Variants in PPP2R2C observed in about 807,000 individuals in gnomAD.
PPP2R2C encodes protein phosphatase 2, regulatory subunit B, gamma.
A neutral mutation model predicts 45.3 loss-of-function variants in PPP2R2C; 10 were observed. The ratio of observed to expected loss-of-function variants is 0.22; its 90% CI spans 0.14 to 0.37. The LOEUF (loss-of-function observed/expected upper bound fraction) is 0.37, where lower values mean the gene tolerates loss of function less well. Among genes scored for constraint, PPP2R2C ranks in the 10% least tolerant of loss-of-function variants. The probability of loss-of-function intolerance (pLI) is 1.00; values close to 1 mark genes in which losing one functional copy is unlikely to be tolerated. For synonymous variants in PPP2R2C, 257 were observed against 245.4 expected (o/e 1.05, Z -0.44); for missense variants, 308 against 619.7 (o/e 0.50, Z 5.34).
chr4:6,445,081 C>T lies in PPP2R2C; in HGVS notation c.70+27079G>A, dbSNP rs543256802. Among the ~76,000 whole-genome samples, 850 of 152,054 alleles carry T rather than the reference C, an allele frequency of 5.6e-3. 3 individuals are homozygous for T. The highest frequency in any genetic ancestry group is 0.019 in the African/African-American group (802 of 41,470). ...GTGCCTGCCTGTAGTCCCAGCTACT[C>T]GGGAGGCTGAGGCAGGAGGACCGCT... On this transcript the variant is annotated intron_variant, in intron 1 of 8. Transcript: ENST00000382599.
intron 1 of PPP2R2C, chr4:6,384,782 C>T: frequency 1.0e-6 from 1 of 985,488 alleles, no homozygotes; most frequent in South Asian, 4.7e-5. Context: ...GCGGGAGACA[C>T]TACTGTGATT....
chr4:6,362,432 C>T (rs930617608), intron 5 of PPP2R2C, among the ~76,000 whole-genome samples: 1 of 152,194 alleles, frequency 6.6e-6, no homozygotes, highest in Non-Finnish European at 1.5e-5. Flanking sequence ...ACACCTCTAC[C>T]ATGCCACCTG....
chr4:6,544,957 T>C (rs1463704975), intron 1 of PPP2R2C, among the ~76,000 whole-genome samples: 1 of 151,448 alleles, frequency 6.6e-6, no homozygotes, highest in East Asian at 1.9e-4. Context: ...TTTCTTAAAT[T>C]TTTTTTTATA....
At chr4:6,444,515 G>T (rs1214090004) in intron 1 of PPP2R2C, among the ~76,000 whole-genome samples, 2 of 152,176 alleles carry the variant, frequency 1.3e-5, no homozygotes, top group Non-Finnish European at 2.9e-5. Flanking sequence ...ACTCTCCGGG[G>T]TCCTCGCACA....
intron 4 of PPP2R2C, among the ~76,000 whole-genome samples, chr4:6,374,780 G>A (rs1353290854): frequency 1.3e-5 from 2 of 152,186 alleles, no homozygotes; most frequent in African/African-American, 4.8e-5. Flanking sequence ...GGCCCCAAGG[G>A]CTAGCCCGGG....
intron 6 of PPP2R2C, among the ~76,000 whole-genome samples, chr4:6,340,767 C>A (rs1469604021): frequency 6.6e-6 from 1 of 152,270 alleles, no homozygotes; most frequent in Non-Finnish European, 1.5e-5. Flanking sequence ...CCACTCCCTA[C>A]TCAGACGGCC....
chr4:6,505,162 G>GA (rs57523456), intron 2 of PPP2R2C, among the ~76,000 whole-genome samples: 38,968 of 147,350 alleles, frequency 0.26, 6,282 homozygotes, highest in East Asian at 0.59. Flanking sequence ...AAAGTGCTTG[G>GA]AAAAAAAAAA....
chr4:6,362,179 A>T (rs1713817032), intron 5 of PPP2R2C, among the ~76,000 whole-genome samples: 1 of 152,124 alleles, frequency 6.6e-6, no homozygotes, highest in Admixed American at 6.5e-5. Context: ...GAGGGAGCAT[A>T]GGCTCTGTCC....
chr4:6,515,117 G>A (rs2108808853), intron 2 of PPP2R2C, among the ~76,000 whole-genome samples: 1 of 152,280 alleles, frequency 6.6e-6, no homozygotes, highest in Middle Eastern at 3.4e-3. Context: ...CATATCTTTT[G>A]AGGGGACACA....
In PPP2R2C at chr4:6,399,876, T is replaced by C. The variant is rs540924785; in HGVS notation, c.71-18782A>G. Among the ~76,000 whole-genome samples, 31 of 152,328 alleles carry C rather than the reference T, an allele frequency of 2.0e-4. 1 individual carries two copies. Among genetic ancestry groups the C allele is most frequent in the South Asian group, 4.1e-4 (2 of 4,826 alleles). ...CTGGACAAGGGAAGTCTGTGGCTGA[T>C]TGAAACCACTGGGGGCAGTTGAGCC... is the stretch of plus-strand genomic sequence containing the variant. On this transcript the variant is annotated intron_variant, in intron 1 of 8. Transcript: ENST00000382599.
At chr4:6,431,500 T>C (rs1402594163) in intron 1 of PPP2R2C, among the ~76,000 whole-genome samples, 2 of 152,158 alleles carry the variant, frequency 1.3e-5, no homozygotes, top group East Asian at 3.9e-4. Flanking sequence ...GCAGTCACCC[T>C]GGTTACTTTG....
chr4:6,562,112 T>G (rs1725595774), intron 1 of PPP2R2C, among the ~76,000 whole-genome samples: 1 of 152,070 alleles, frequency 6.6e-6, no homozygotes, highest in Admixed American at 6.5e-5. Context: ...ACAGACACAT[T>G]CAGGGGCCTG....
At chr4:6,549,207 C>T (rs1725097433) in intron 1 of PPP2R2C, among the ~76,000 whole-genome samples, 1 of 152,198 alleles carries the variant, frequency 6.6e-6, no homozygotes. Flanking sequence ...GTCCATGCCC[C>T]ATACAGCAGG....
At position 6,323,068 on chromosome 4, in the gene PPP2R2C, C is replaced by T. The variant is rs1399952398; in HGVS notation, c.*234G>A. ...CCATTTTATGATTTGTGGCGGTGAA[C>T]GCTTCCTTTCCTTTTTATTTTTTTA... On this transcript the variant is annotated 3_prime_UTR_variant, in exon 9 of 9. Transcript: ENST00000382599. 5.3e-5 allele frequency: 23 copies of T among 434,058 alleles called. No homozygotes were observed. Among genetic ancestry groups the T allele is most frequent in the Admixed American group, 1.6e-4 (4 of 24,834 alleles). 26.9% of individuals were successfully genotyped at this position (434,058 alleles called of 1,614,324 possible). A position where few individuals can be genotyped will look rare whatever the true frequency, so the allele number is the denominator to read the frequency against.
intron 2 of PPP2R2C, among the ~76,000 whole-genome samples, chr4:6,512,694 G>C (rs1723706068): frequency 6.6e-6 from 1 of 151,604 alleles, no homozygotes; most frequent in Non-Finnish European, 1.5e-5. Context: ...TGGTGGTGGT[G>C]ATGATGGTGA....
At chr4:6,473,071 C>G (rs1244354827), upstream of PPP2R2C, among the ~76,000 whole-genome samples, 2 of 151,998 alleles carry the variant, frequency 1.3e-5, no homozygotes, top group Non-Finnish European at 2.9e-5. Context: ...AGTTCTGGGG[C>G]CCGTTGGGAG....
intron 1 of PPP2R2C, among the ~76,000 whole-genome samples, chr4:6,542,458 C>A (rs79928704): frequency 3.9e-4 from 59 of 152,220 alleles, no homozygotes; most frequent in African/African-American, 1.3e-3. Flanking sequence ...CTGTGGGAGG[C>A]CAAAGTGGGC....
At chr4:6,525,228 A>C (rs1724160167) in intron 2 of PPP2R2C, among the ~76,000 whole-genome samples, 1 of 152,120 alleles carries the variant, frequency 6.6e-6, no homozygotes, top group African/African-American at 2.4e-5. Context: ...AACATGGTGA[A>C]ACCCCATCTC....
chr4:6,375,738 A>C, intron 4 of PPP2R2C, 81 bp downstream of exon 4: 1 of 1,250,164 alleles, frequency 8.0e-7, no homozygotes, highest in Non-Finnish European at 1.1e-6. Context: ...CTCTGGCTCA[A>C]ATCTCAAAGG....
Sources: gnomAD v4.1 joint callset for allele counts (sites outside exome capture counted in the v4.1 genomes callset) on GRCh38, gnomAD v4.1.1 for gene constraint, MANE v1.5 for transcripts, NCBI Gene and HGNC (gene_info 2026-07-23, HGNC 2026-07-21) for gene names.